PNPLA1: variants seen among roughly 807,000 people sequenced by gnomAD.
The protein encoded by PNPLA1 is omega-hydroxyceramide transacylase.
In PNPLA1, 36 loss-of-function variants were observed where a neutral mutation model predicts 51.7. That is an observed-to-expected ratio of 0.70 (90% CI 0.53 to 0.92). PNPLA1 has a LOEUF of 0.92. PNPLA1 is among the 40% of genes least tolerant of loss of function. The pLI, the probability that PNPLA1 is intolerant of heterozygous loss-of-function variation, is 0.00. For synonymous variants in PNPLA1, 293 were observed against 280.1 expected, an observed-to-expected ratio of 1.05 and a Z score of -0.46; for missense variants, 658 against 682.5, an observed-to-expected ratio of 0.96 and a Z score of 0.40.
At chr6:36,245,656 G>A (rs1769258406) in intron 1 of PNPLA1, among the ~76,000 whole-genome samples, 1 of 152,210 alleles carries the variant, frequency 6.6e-6, no homozygotes, top group Admixed American at 6.5e-5. Flanking sequence ...TCAGCACAGG[G>A]GAGCTGCATC....
Position 36,312,205 on chromosome 6 carries a change from C to A in PNPLA1, c.*319C>A, listed in dbSNP as rs904199980. On this transcript the variant is annotated 3_prime_UTR_variant, in exon 9 of 9. Transcript: ENST00000636260. ...CCTACCCCTTTTATATGGCACTGTA[C>A]CCTTGTATAGTGTAAAATCTGCACA... is the stretch of plus-strand genomic sequence containing the variant. 3.9e-5 allele frequency: 6 copies of A among 152,146 alleles called. No homozygotes were observed. The highest frequency in any genetic ancestry group is 1.4e-4 in the African/African-American group (6 of 41,430). The allele number at this position is 152,146 out of a possible 1,614,324, so 9.4% of individuals were successfully genotyped here.
At chr6:36,280,108 A>T (rs1334155575) in intron 1 of PNPLA1, among the ~76,000 whole-genome samples, 1 of 152,202 alleles carries the variant, frequency 6.6e-6, no homozygotes, top group Non-Finnish European at 1.5e-5. Context: ...CGGGAGGCTG[A>T]AGCAGGAGAA....
upstream of PNPLA1, among the ~76,000 whole-genome samples, chr6:36,265,606 C>T (rs545366618): frequency 1.3e-5 from 2 of 152,170 alleles, no homozygotes; most frequent in East Asian, 3.8e-4. Context: ...ATAAGGGCTA[C>T]ATTTTACTAG....
upstream of PNPLA1, among the ~76,000 whole-genome samples, chr6:36,266,557 T>G (rs1291545006): frequency 1.3e-5 from 2 of 152,052 alleles, no homozygotes; most frequent in Non-Finnish European, 2.9e-5. Flanking sequence ...TACTTCTCAT[T>G]GTCCAGGGGG....
rs545788862 is a variant in PNPLA1 at position 36,303,603 on chromosome 6, G to A, written c.1384+1134G>A. Among the ~76,000 whole-genome samples the A allele has an allele frequency of 6.6e-5, 10 of 152,282 alleles. 1 individual carries two copies. The South Asian group carries it at 1.0e-3, about 16-fold the overall frequency. ...TTCCAGCACTTTGGGAGGCCAAAGC[G>A]GGTGGATCACCTGAGGTCAGGAGTT... On this transcript the variant is annotated intron_variant, in intron 6 of 8. Transcript: ENST00000636260.
intron 1 of PNPLA1, among the ~76,000 whole-genome samples, chr6:36,251,695 TG>T (rs1279554252): frequency 6.6e-6 from 1 of 152,054 alleles, no homozygotes; most frequent in Non-Finnish European, 1.5e-5. Context: ...CCCAGCATCT[TG>T]GGAGGCAGAG....
At chr6:36,271,988 AC>A (rs375084997) in intron 1 of PNPLA1, among the ~76,000 whole-genome samples, 39 of 152,354 alleles carry the variant, frequency 2.6e-4, no homozygotes, top group African/African-American at 9.1e-4. Flanking sequence ...CGGCATTGTT[AC>A]AGCAGCGGTC....
At chr6:36,308,971 C>A (rs1263846926) in intron 8 of PNPLA1, among the ~76,000 whole-genome samples, 1 of 152,114 alleles carries the variant, frequency 6.6e-6, no homozygotes, top group Non-Finnish European at 1.5e-5. Context: ...TGGAACAGAC[C>A]TGCACTGCTA....
At chr6:36,282,089 G>GAAAGA (rs59827619) in intron 1 of PNPLA1, among the ~76,000 whole-genome samples, 2 of 66,842 alleles carry the variant, frequency 3.0e-5, no homozygotes, top group East Asian at 4.2e-4. Context: ...AAGAAAGAAA[G>GAAAGA]AAGGAAGGAA....
chr6:36,296,052 T>C (rs1163154863), intron 5 of PNPLA1, among the ~76,000 whole-genome samples: 1 of 152,224 alleles, frequency 6.6e-6, no homozygotes, highest in African/African-American at 2.4e-5. Flanking sequence ...GGCTCATGCC[T>C]GTAATCTCAG....
chr6:36,254,593 A>C (rs77163311), intron 1 of PNPLA1, among the ~76,000 whole-genome samples: 127 of 151,240 alleles, frequency 8.4e-4, no homozygotes, highest in Non-Finnish European at 1.3e-3. Context: ...AAAAAAAAAA[A>C]CAAAAAACAG....
At chr6:36,284,036 C>T (rs934976054) in intron 1 of PNPLA1, among the ~76,000 whole-genome samples, 1 of 152,238 alleles carries the variant, frequency 6.6e-6, no homozygotes, top group Non-Finnish European at 1.5e-5. Context: ...TCCCTCTCTG[C>T]CTGTTTCACC....
chr6:36,248,247 T>TA (rs1769343088), intron 1 of PNPLA1, among the ~76,000 whole-genome samples: 1 of 152,156 alleles, frequency 6.6e-6, no homozygotes, highest in Non-Finnish European at 1.5e-5. Context: ...AGAACAGATA[T>TA]AAGGATTCGA....
At chr6:36,270,827 G>A (rs576225181) in intron 1 of PNPLA1, among the ~76,000 whole-genome samples, 163 bp downstream of exon 1, 131 of 152,278 alleles carry the variant, frequency 8.6e-4, no homozygotes, top group Non-Finnish European at 1.5e-3. Context: ...CAGCTGTGAC[G>A]TTTGAAGGTT....
intron 5 of PNPLA1, among the ~76,000 whole-genome samples, chr6:36,300,178 T>TGTGTGTGTGTGAGAGAGA: frequency 3.1e-4 from 30 of 98,142 alleles, no homozygotes; most frequent in African/African-American, 8.6e-4. Flanking sequence ...TGTGTGTGTG[T>TGTGTGTGTGTGAGAGAGA]GAGAGAGAGA....
intron 1 of PNPLA1, among the ~76,000 whole-genome samples, chr6:36,259,261 G>A (rs992147144): frequency 3.3e-5 from 5 of 152,238 alleles, no homozygotes; most frequent in Admixed American, 6.5e-5. Context: ...TAGGGCTCAG[G>A]GCTTTGTCAG....
chr6:36,294,399 G>A lies in PNPLA1; in HGVS notation c.714G>A (p.Val238=). ...ACGCATTGTTCCCCCCGGACCTGGT[G>A]GTGAGAGGCAGGAGGGGTCTGGGGA... ...MTHALFPPDL[V]ILHDYYYRGY... The change falls in exon 4 of 9, where the codon GTG becomes GTA. Residue 238 remains valine, a splice_region_variant and synonymous_variant. Coordinates refer to ENST00000636260, the MANE Select transcript of PNPLA1 (RefSeq NM_001374623.1). This position sits in a 1 kb window ranked among gnomAD's most constrained non-coding sequence, Gnocchi z 4.2. The A allele has an allele frequency of 1.2e-6, 2 of 1,613,678 alleles. No homozygotes were observed. Among genetic ancestry groups the A allele is most frequent in the Non-Finnish European group, 1.7e-6 (2 of 1,179,686 alleles).
intron 1 of PNPLA1, among the ~76,000 whole-genome samples, chr6:36,265,036 A>T (rs1199854461): frequency 6.6e-6 from 1 of 152,196 alleles, no homozygotes; most frequent in Non-Finnish European, 1.5e-5. Flanking sequence ...GCTACAGTGG[A>T]GGGCTGTTTA....
At chr6:36,290,210 G>A (rs866232700) in intron 1 of PNPLA1, among the ~76,000 whole-genome samples, 19 of 152,264 alleles carry the variant, frequency 1.2e-4, no homozygotes, top group East Asian at 7.7e-4. Context: ...ACCATATAGC[G>A]TATCATAGCA....
Sources: allele counts gnomAD v4.1 joint callset (sites outside exome capture counted in the v4.1 genomes callset), GRCh38; gene constraint gnomAD v4.1.1; non-coding constraint Gnocchi (gnomAD v3.1); transcripts MANE v1.5; gene names NCBI Gene and HGNC (gene_info 2026-07-23, HGNC 2026-07-21).